The following TMEM117 variants were observed in gnomAD, a reference collection of about 807,000 sequenced individuals.
TMEM117 encodes the protein transmembrane protein 117.
TMEM117 carries 27 observed loss-of-function variants against 52.4 expected under a neutral mutation model. The observed-to-expected ratio is 0.51, with a 90% confidence interval of 0.38 to 0.71. TMEM117 has a LOEUF of 0.71. Ranked by LOEUF, TMEM117 falls within the 30% of genes least tolerant of loss-of-function variation. The pLI, the probability that TMEM117 is intolerant of heterozygous loss-of-function variation, is 0.00. For missense variants in TMEM117, 556 were observed against 630.5 expected, an observed-to-expected ratio of 0.88 and a Z score of 1.26; for synonymous variants, 215 against 206.3, an observed-to-expected ratio of 1.04 and a Z score of -0.36.
At chr12:44,171,774 G>A (rs184724911) in intron 4 of TMEM117, among the ~76,000 whole-genome samples, 65 of 152,250 alleles carry the variant, frequency 4.3e-4, no homozygotes, top group Middle Eastern at 6.8e-3. Flanking sequence ...GAAATATCAA[G>A]ACTGGGAGAG....
intron 6 of TMEM117, among the ~76,000 whole-genome samples, chr12:44,306,024 C>T (rs1950898869): frequency 1.3e-5 from 2 of 152,230 alleles, no homozygotes; most frequent in African/African-American, 4.8e-5. Flanking sequence ...AACAGAGGGA[C>T]AGAAAACCAA....
intron 3 of TMEM117, among the ~76,000 whole-genome samples, chr12:44,058,263 G>T (rs1258553342): frequency 6.6e-6 from 1 of 151,982 alleles, no homozygotes; most frequent in Non-Finnish European, 1.5e-5. Flanking sequence ...AAAAATGAAA[G>T]CTTACGTATA....
At chr12:43,920,651 A>G (rs73100935) in intron 2 of TMEM117, among the ~76,000 whole-genome samples, 25,828 of 149,950 alleles carry the variant, frequency 0.17, 3,379 homozygotes, top group African/African-American at 0.36. Context: ...CCTGGGGCTC[A>G]AGGAGTGATC....
chr12:44,091,169 G>A (rs1392016340), intron 3 of TMEM117, among the ~76,000 whole-genome samples: 1 of 152,106 alleles, frequency 6.6e-6, no homozygotes, highest in Admixed American at 6.6e-5. Flanking sequence ...TGATGCAAAA[G>A]TGGAAACCCC....
chr12:44,138,914 G>A (rs916787692), intron 3 of TMEM117, among the ~76,000 whole-genome samples: 5 of 152,108 alleles, frequency 3.3e-5, no homozygotes, highest in African/African-American at 1.2e-4. Context: ...ATTGAGGAAA[G>A]GTTAATTTTA....
intron 3 of TMEM117, among the ~76,000 whole-genome samples, chr12:44,137,665 A>G (rs927341799): frequency 6.6e-6 from 1 of 152,158 alleles, no homozygotes; most frequent in Non-Finnish European, 1.5e-5. Flanking sequence ...GGCGGCCAGC[A>G]AAGAGAGAGT....
chr12:43,985,302 T>G (rs541077325), intron 3 of TMEM117, among the ~76,000 whole-genome samples: 271 of 152,234 alleles, frequency 1.8e-3, no homozygotes, highest in South Asian at 4.6e-3. Context: ...CCAGTAAAAT[T>G]GCAATGAAAC....
At chr12:44,111,546 G>C (rs1291712061) in intron 3 of TMEM117, among the ~76,000 whole-genome samples, 6 of 74,372 alleles carry the variant, frequency 8.1e-5, no homozygotes, top group South Asian at 6.8e-4. Flanking sequence ...CTGAGTTCTA[G>C]TTTGATTGCA....
Position 44,203,095 on chromosome 12 carries a change from TTTG to T in TMEM117, c.511-8171_511-8169del, listed in dbSNP as rs58933565. 3.7e-4 allele frequency among the ~76,000 whole-genome samples: 56 copies of T among 151,496 alleles called. 1 individual carries two copies. The highest frequency in any genetic ancestry group is 3.4e-3 in the Middle Eastern group (1 of 294). On this transcript the variant is annotated intron_variant, in intron 4 of 7. Coordinates refer to ENST00000266534, the MANE Select transcript of TMEM117 (RefSeq NM_032256.3). ...CAGGGGTGAGCCACCACACATGGCC[TTTG>T]TTGTTGTTGTTGTTGTTGTTGTTAC... is the stretch of plus-strand genomic sequence containing the variant.
intron 5 of TMEM117, among the ~76,000 whole-genome samples, chr12:44,270,957 A>G (rs1413891556): frequency 6.6e-6 from 1 of 152,068 alleles, no homozygotes; most frequent in African/African-American, 2.4e-5. Context: ...TTCACATTAA[A>G]CAATACATTA....
At chr12:44,272,441 A>G (rs1417822905) in intron 5 of TMEM117, among the ~76,000 whole-genome samples, 1 of 152,242 alleles carries the variant, frequency 6.6e-6, no homozygotes, top group Non-Finnish European at 1.5e-5. Flanking sequence ...CAGCCCACCT[A>G]CAGAATGGGA....
intron 4 of TMEM117, among the ~76,000 whole-genome samples, chr12:44,164,409 C>T (rs1948937375): frequency 6.6e-6 from 1 of 152,094 alleles, no homozygotes; most frequent in Non-Finnish European, 1.5e-5. Context: ...ATTCTTATGC[C>T]TTTTCATCCT....
At chr12:44,134,367 C>A (rs1028428626) in intron 3 of TMEM117, among the ~76,000 whole-genome samples, 1 of 152,052 alleles carries the variant, frequency 6.6e-6, no homozygotes, top group Non-Finnish European at 1.5e-5. Flanking sequence ...CAGGTATGTG[C>A]CACCAAGCCT....
the TMEM117 span, chr12:43,806,126 C>G: frequency 2.6e-4 from 397 of 1,526,712 alleles, 1 homozygote; most frequent in African/African-American, 4.9e-3. Flanking sequence ...CCGGAGCTCC[C>G]GGCCCGACTC....
At chr12:43,829,826 A>G in the TMEM117 span, among the ~76,000 whole-genome samples, 1 of 152,196 alleles carries the variant, frequency 6.6e-6, no homozygotes, top group African/African-American at 2.4e-5. Context: ...GCAGTGGCTC[A>G]CGCCTGTAAT....
At chr12:43,939,836 TC>T (rs1945015404) in intron 2 of TMEM117, among the ~76,000 whole-genome samples, 1 of 152,188 alleles carries the variant, frequency 6.6e-6, no homozygotes, top group Non-Finnish European at 1.5e-5. Context: ...TTTAATCGAC[TC>T]TTAATTCCAC....
intron 5 of TMEM117, among the ~76,000 whole-genome samples, chr12:44,293,017 A>T (rs946723579): frequency 2.0e-5 from 3 of 152,000 alleles, no homozygotes; most frequent in Non-Finnish European, 4.4e-5. Flanking sequence ...TGTTGCAAAT[A>T]GAAATTGAAG....
At chr12:44,152,202 A>C (rs1421225170) in intron 4 of TMEM117, among the ~76,000 whole-genome samples, 3 of 108,962 alleles carry the variant, frequency 2.8e-5, no homozygotes, top group South Asian at 6.3e-4. Context: ...TATAAATATA[A>C]TTATATTTAT....
chr12:44,164,529 G>A (rs1269935692), intron 4 of TMEM117, among the ~76,000 whole-genome samples: 1 of 152,022 alleles, frequency 6.6e-6, no homozygotes, highest in African/African-American at 2.4e-5. Context: ...TGTTACAAAG[G>A]CCATTACAGA....
Sources: gnomAD v4.1 joint callset for allele counts (sites outside exome capture counted in the v4.1 genomes callset) on GRCh38, gnomAD v4.1.1 for gene constraint, MANE v1.5 for transcripts, NCBI Gene and HGNC (gene_info 2026-07-23, HGNC 2026-07-21) for gene names.